ZBTB20: variants seen among roughly 807,000 people sequenced by gnomAD.
The protein encoded by ZBTB20 is zinc finger and BTB domain-containing protein 20.
Under a neutral mutation model 56.9 loss-of-function variants are expected in ZBTB20, and 9 were observed. That is an observed-to-expected ratio of 0.16 (90% CI 0.10 to 0.28). ZBTB20 has a LOEUF of 0.28. ZBTB20 is among the 10% of genes least tolerant of loss of function. The probability of loss-of-function intolerance (pLI) is 1.00; values close to 1 mark genes in which losing one functional copy is unlikely to be tolerated. For synonymous variants in ZBTB20, 417 were observed against 420.7 expected, an observed-to-expected ratio of 0.99 and a Z score of 0.11; for missense variants, 655 against 1,003.0, an observed-to-expected ratio of 0.65 and a Z score of 4.69.
intron 6 of ZBTB20, among the ~76,000 whole-genome samples, chr3:114,509,792 G>T (rs2045117909): frequency 6.6e-6 from 1 of 152,114 alleles, no homozygotes; most frequent in Admixed American, 6.6e-5. Context: ...CTGGCTCCTT[G>T]TCAGCATATG....
In ZBTB20 at chr3:114,502,128, C is replaced by T. The variant is rs551834905; in HGVS notation, c.-294-1737G>A. On this transcript the variant is annotated intron_variant, in intron 6 of 11. Transcript: ENST00000675478. ...CAAAGCAGGTCCCCCTACCTCTAGC[C>T]CACTTAAATATATCAAGAATTTAAT... Among the ~76,000 whole-genome samples the T allele has an allele frequency of 3.9e-5, 6 of 152,198 alleles. No homozygotes were observed. In the South Asian group the frequency reaches 1.2e-3, roughly 32 times the overall value.
intron 7 of ZBTB20, among the ~76,000 whole-genome samples, chr3:114,450,458 C>T (rs914670656): frequency 2.0e-5 from 3 of 152,048 alleles, no homozygotes; most frequent in Non-Finnish European, 4.4e-5. Context: ...CTTTTGGGTA[C>T]GCTTAAAGGG....
At chr3:114,369,985 A>T (rs1391632940) in intron 10 of ZBTB20, among the ~76,000 whole-genome samples, 3 of 152,208 alleles carry the variant, frequency 2.0e-5, no homozygotes, top group Non-Finnish European at 4.4e-5. Flanking sequence ...AATACTTGTA[A>T]AACATTATTT....
At chr3:114,891,438 C>T (rs541735827) in intron 4 of ZBTB20, among the ~76,000 whole-genome samples, 2 of 152,310 alleles carry the variant, frequency 1.3e-5, no homozygotes, top group East Asian at 3.9e-4. Flanking sequence ...TCTCTATGCT[C>T]ACAGCATGTA....
At chr3:114,771,991 A>G (rs2069243186) in intron 5 of ZBTB20, among the ~76,000 whole-genome samples, 1 of 152,198 alleles carries the variant, frequency 6.6e-6, no homozygotes, top group African/African-American at 2.4e-5. Context: ...TCAATAGGTC[A>G]CACTCTCTTA....
intron 7 of ZBTB20, among the ~76,000 whole-genome samples, chr3:114,476,498 G>A (rs1052189324): frequency 6.6e-6 from 1 of 152,236 alleles, no homozygotes; most frequent in Admixed American, 6.5e-5. Context: ...AGGTTGGGAT[G>A]TCTAGTATGA....
In ZBTB20 at chr3:114,350,741, A is replaced by G. The variant is rs1432840976; in HGVS notation, c.1337T>C (p.Ile446Thr). The stretch of plus-strand genomic sequence containing the variant: ...CTTGTCGGAGCTGTTGCTGACAGTG[A>G]TAACAGTGCTGTCCATCTCCACTTC... ...SNEVEMDSTV[I>T]TVSNSSDKSV... is the part of the protein sequence containing the mutation. Residue 446 changes from isoleucine (I) to threonine (T), a missense_variant, in exon 11 of 12, where the codon ATC becomes ACC. Transcript: ENST00000675478. 7 of 1,614,200 alleles carry G rather than the reference A, an allele frequency of 4.3e-6. No individual in the cohort carries two copies. Among genetic ancestry groups the G allele is most frequent in the Non-Finnish European group, 5.9e-6 (7 of 1,180,028 alleles).
chr3:114,431,611 T>C (rs2090127993), intron 7 of ZBTB20, among the ~76,000 whole-genome samples: 1 of 152,186 alleles, frequency 6.6e-6, no homozygotes, highest in South Asian at 2.1e-4. Flanking sequence ...TGAACTGCTT[T>C]GCTAAAGAAC....
chr3:115,103,168 G>A (rs1303726567), intron 1 of ZBTB20: 2 of 152,082 alleles, frequency 1.3e-5, no homozygotes, highest in Non-Finnish European at 2.9e-5. Context: ...ACCATACTAT[G>A]GAAGTTATAA....
At chr3:114,443,496 C>G (rs74470546) in intron 7 of ZBTB20, among the ~76,000 whole-genome samples, 10,515 of 152,228 alleles carry the variant, frequency 0.069, 463 homozygotes, top group East Asian at 0.17. Context: ...CTGGCCATAA[C>G]CACCACTATT....
chr3:114,918,488 A>G (rs2107743476), intron 3 of ZBTB20, among the ~76,000 whole-genome samples: 1 of 152,148 alleles, frequency 6.6e-6, no homozygotes, highest in South Asian at 2.1e-4. Flanking sequence ...TGAAGCCAGC[A>G]TGTTTCAGAG....
chr3:114,812,924 G>C (rs186536422), intron 4 of ZBTB20, among the ~76,000 whole-genome samples: 20 of 148,772 alleles, frequency 1.3e-4, no homozygotes, highest in Non-Finnish European at 2.1e-4. Flanking sequence ...GCCCGGGGCC[G>C]GTGGGGCAGG....
At chr3:114,446,161 A>C (rs557862181) in intron 7 of ZBTB20, among the ~76,000 whole-genome samples, 2 of 152,236 alleles carry the variant, frequency 1.3e-5, no homozygotes, top group African/African-American at 4.8e-5. Flanking sequence ...GCATCTCATC[A>C]TTACTGTTTA....
chr3:114,833,800 G>C (rs2108968600), intron 4 of ZBTB20, among the ~76,000 whole-genome samples: 1 of 150,440 alleles, frequency 6.6e-6, no homozygotes, highest in African/African-American at 2.5e-5. Flanking sequence ...CCCAAGTACT[G>C]TGATTACAGG....
intron 5 of ZBTB20, among the ~76,000 whole-genome samples, chr3:114,760,773 A>C (rs918301464): frequency 6.6e-6 from 1 of 152,134 alleles, no homozygotes; most frequent in African/African-American, 2.4e-5. Flanking sequence ...CTTGACACAC[A>C]CTGCCTTTCT....
intron 5 of ZBTB20, among the ~76,000 whole-genome samples, chr3:114,703,429 TACA>T (rs1436136831): frequency 6.6e-6 from 1 of 152,234 alleles, no homozygotes; most frequent in East Asian, 1.9e-4. Flanking sequence ...TGAATGTTCC[TACA>T]ACAAGCTGAA....
intron 6 of ZBTB20, among the ~76,000 whole-genome samples, chr3:114,574,529 T>C (rs1373502573): frequency 1.3e-5 from 2 of 152,230 alleles, no homozygotes; most frequent in Non-Finnish European, 2.9e-5. Context: ...TTGTATTTCC[T>C]TTCATAATTT....
chr3:115,118,773 T>G (rs1369068983), intron 1 of ZBTB20, among the ~76,000 whole-genome samples: 1 of 131,616 alleles, frequency 7.6e-6, no homozygotes. Context: ...CTGGATGGAG[T>G]GCAGTGGCGC....
At chr3:114,512,286 T>C (rs1466540485) in intron 6 of ZBTB20, among the ~76,000 whole-genome samples, 1 of 133,348 alleles carries the variant, frequency 7.5e-6, no homozygotes, top group African/African-American at 3.2e-5. Flanking sequence ...ATCTTGAGAG[T>C]TGGTTAAGAT....
Sources: gnomAD v4.1 joint callset for allele counts (sites outside exome capture counted in the v4.1 genomes callset) on GRCh38, gnomAD v4.1.1 for gene constraint, MANE v1.5 for transcripts, NCBI Gene and HGNC (gene_info 2026-07-23, HGNC 2026-07-21) for gene names.